MNS1: variants seen among roughly 807,000 people sequenced by gnomAD.
MNS1 encodes meiosis-specific nuclear structural protein 1.
MNS1 carries 63 observed loss-of-function variants against 72.0 expected under a neutral mutation model. The ratio of observed to expected loss-of-function variants is 0.87; its 90% CI spans 0.71 to 1.08. The LOEUF (loss-of-function observed/expected upper bound fraction) is 1.08, where lower values mean the gene tolerates loss of function less well. Among genes scored for constraint, MNS1 ranks in the 50% least tolerant of loss-of-function variants. The probability of loss-of-function intolerance (pLI) is 0.00; values close to 1 mark genes in which losing one functional copy is unlikely to be tolerated. For synonymous variants in MNS1, 188 were observed against 172.1 expected (o/e 1.09, Z -0.72); for missense variants, 604 against 562.4 (o/e 1.07, Z -0.75).
At position 56,464,121 on chromosome 15, in the gene MNS1, G is replaced by T. The variant is rs1373684511; in HGVS notation, c.130C>A (p.Gln44Lys). The T allele has an allele frequency of 1.2e-6, 2 of 1,613,934 alleles. No homozygotes were observed. Among genetic ancestry groups the T allele is most frequent in the Non-Finnish European group, 8.5e-7 (1 of 1,179,972 alleles). ...TGAACACGGTTATCATTTTCATTCT[G>T]CACCATTTGATTCCTGATTTGACTG... ...VNSQIRNQMV[Q>K]NENDNRVQRK... Residue 44 changes from glutamine to lysine, a missense_variant, in exon 2 of 10, where the codon CAG becomes AAG. By Grantham distance (53) the Gln-to-Lys change is moderately conservative. Coordinates refer to ENST00000260453, the MANE Select transcript of MNS1 (RefSeq NM_018365.4).
intron 7 of MNS1, among the ~76,000 whole-genome samples, chr15:56,434,848 T>C (rs1412378148): frequency 6.6e-6 from 1 of 152,102 alleles, no homozygotes; most frequent in Non-Finnish European, 1.5e-5. Flanking sequence ...TCTAGTCTTC[T>C]AATATTCCCT....
Position 56,460,009 on chromosome 15 carries a change from A to AAAAAAAAAAAAATATATAT in MNS1, c.226-3489_226-3488insATATATATTTTTTTTTTTT. ...CTGTCTCAAAAAAAAAAAAAAAAAA[A>AAAAAAAAAAAAATATATAT]ATACATATATATATATATATATATA... On this transcript the variant is annotated intron_variant, in intron 2 of 9. Coordinates refer to ENST00000260453, the MANE Select transcript of MNS1 (RefSeq NM_018365.4). 2.7e-4 allele frequency among the ~76,000 whole-genome samples: 7 copies of AAAAAAAAAAAAATATATAT among 26,386 alleles called. 2 individuals carry two copies. Among genetic ancestry groups the AAAAAAAAAAAAATATATAT allele is most frequent in the African/African-American group, 6.0e-4 (4 of 6,652 alleles). 17.3% of individuals were successfully genotyped at this position (26,386 alleles called of 152,430 possible). A position where few individuals can be genotyped will look rare whatever the true frequency, so the allele number is the denominator to read the frequency against.
chr15:56,439,483 T>C (rs2050783058), intron 7 of MNS1, among the ~76,000 whole-genome samples: 1 of 152,034 alleles, frequency 6.6e-6, no homozygotes, highest in African/African-American at 2.4e-5. Flanking sequence ...ATAGCTGCAG[T>C]ATTCAAAACT....
intron 3 of MNS1, 70 bp downstream of exon 3, chr15:56,456,324 A>G: frequency 1.4e-6 from 2 of 1,394,560 alleles, no homozygotes; most frequent in Non-Finnish European, 1.9e-6. Context: ...TTTCACTTTC[A>G]GGTGCTAAGG....
At chr15:56,444,973 CTA>C (rs1215894869) in intron 4 of MNS1, among the ~76,000 whole-genome samples, 1 of 152,032 alleles carries the variant, frequency 6.6e-6, no homozygotes, top group Non-Finnish European at 1.5e-5. Flanking sequence ...TTCTTAATAA[CTA>C]TTTAGCTGCT....
At chr15:56,447,623 A>G (rs1478577748) in intron 3 of MNS1, 1 of 152,224 alleles carries the variant, frequency 6.6e-6, no homozygotes, top group East Asian at 1.9e-4. Context: ...ATACCCAACA[A>G]TATCACTGAA....
chr15:56,464,382 A>G (rs2051044921), intron 1 of MNS1, 135 bp from the exon 2 acceptor site: 2 of 645,886 alleles, frequency 3.1e-6, no homozygotes, highest in African/African-American at 3.7e-5. Flanking sequence ...GAGTATACCG[A>G]ATAAAAAGTA....
At chr15:56,442,086 A>T (rs1307294715) in intron 7 of MNS1, among the ~76,000 whole-genome samples, 1 of 152,130 alleles carries the variant, frequency 6.6e-6, no homozygotes, top group East Asian at 1.9e-4. Context: ...ATGAACAGAT[A>T]CCTCTCAAAA....
intron 3 of MNS1, among the ~76,000 whole-genome samples, chr15:56,449,752 T>C (rs2050935372): frequency 6.6e-6 from 1 of 152,246 alleles, no homozygotes; most frequent in Admixed American, 6.5e-5. Flanking sequence ...TAGGAACATT[T>C]AGCTATTTCT....
rs1213219002 is a variant in MNS1, at chr15:56,446,866, T to G, written c.431A>C (p.Lys144Thr). The G allele has an allele frequency of 1.2e-6, 2 of 1,609,492 alleles. No homozygotes were observed. Among genetic ancestry groups the G allele is most frequent in the Middle Eastern group, 1.7e-4 (1 of 6,050 alleles). ...NKERAAQIAE[K>T]DAIKYEQMKR... ...CATTTGTTCATATTTAATGGCATCCTTTTCAGCAATCTGAGCTGCCCTTTC... is the reference window on the plus strand; with the variant it reads ...CATTTGTTCATATTTAATGGCATCCGTTTCAGCAATCTGAGCTGCCCTTTC... The change falls in exon 4 of 10, where the codon AAG becomes ACG. Residue 144 changes from lysine (K) to threonine (T), a missense_variant. Physicochemically the swap from Lys to Thr is moderately conservative, Grantham distance 78. Coordinates refer to ENST00000260453, the MANE Select transcript of MNS1 (RefSeq NM_018365.4).
At chr15:56,459,009 CACATCTGTGTGT>C (rs2050999713) in intron 2 of MNS1, among the ~76,000 whole-genome samples, 1 of 152,140 alleles carries the variant, frequency 6.6e-6, no homozygotes, top group African/African-American at 2.4e-5. Context: ...CTATATATAG[CACATCTGTGTGT>C]ACATTTGTGT....
intron 2 of MNS1, among the ~76,000 whole-genome samples, chr15:56,462,006 T>G (rs1596269868): frequency 1.6e-5 from 2 of 122,086 alleles, no homozygotes; most frequent in African/African-American, 5.8e-5. Context: ...TTTTTTTTTT[T>G]TTTTGTGGGG....
intron 9 of MNS1, among the ~76,000 whole-genome samples, chr15:56,430,675 G>A (rs2050564853): frequency 6.6e-6 from 1 of 152,038 alleles, no homozygotes; most frequent in Admixed American, 6.5e-5. Context: ...CAGTGACAAT[G>A]TTTTCATACA....
At chr15:56,431,239 G>A (rs1259550911) in intron 9 of MNS1, 134 bp downstream of exon 9, 1 of 961,332 alleles carries the variant, frequency 1.0e-6, no homozygotes, top group Non-Finnish European at 1.5e-6. Flanking sequence ...TCAGTGCCTG[G>A]ACAGGAGGAT....
intron 2 of MNS1, among the ~76,000 whole-genome samples, chr15:56,460,717 A>G (rs923292086): frequency 6.6e-6 from 1 of 152,230 alleles, no homozygotes; most frequent in East Asian, 1.9e-4. Flanking sequence ...ACCTGGAAGC[A>G]ATGATAACCC....
At chr15:56,454,652 C>T (rs1259943238) in intron 3 of MNS1, among the ~76,000 whole-genome samples, 2 of 152,082 alleles carry the variant, frequency 1.3e-5, no homozygotes, top group Non-Finnish European at 2.9e-5. Context: ...TCATTACTTG[C>T]AATGTTCTGA....
rs1271518769 is a variant in MNS1, at chr15:56,464,957, C to G, written c.3+13G>C. 3.7e-6 allele frequency: 6 copies of G among 1,611,510 alleles called. No homozygotes were observed. Among genetic ancestry groups the G allele is most frequent in the Non-Finnish European group, 5.1e-6 (6 of 1,179,074 alleles). ...CAATAAACAAGTAGTTTCAAGTCCCCCAACTGGCTCACCATCTTGGCTGAC... is the reference window on the plus strand; with the variant it reads ...CAATAAACAAGTAGTTTCAAGTCCCGCAACTGGCTCACCATCTTGGCTGAC... On this transcript the variant is annotated intron_variant, in intron 1 of 9. Transcript: ENST00000260453.
Position 56,458,002 on chromosome 15 carries a change from C to T in MNS1, c.226-1481G>A, listed in dbSNP as rs547640088. On this transcript the variant is annotated intron_variant, in intron 2 of 9. Transcript: ENST00000260453. Reference sequence around the variant, plus strand: ...TTCATCATGTGAGTGGTCAAATAAACTGTGGTACATCCATACTATGGGATA... The same window carrying T: ...TTCATCATGTGAGTGGTCAAATAAATTGTGGTACATCCATACTATGGGATA... Among the ~76,000 whole-genome samples the T allele has an allele frequency of 2.0e-5, 3 of 152,236 alleles. No individual in the cohort carries two copies. In the East Asian group the frequency reaches 5.8e-4, roughly 29 times the overall value.
At chr15:56,430,688 T>C (rs2140315043) in intron 9 of MNS1, among the ~76,000 whole-genome samples, 2 of 152,320 alleles carry the variant, frequency 1.3e-5, no homozygotes, top group South Asian at 4.2e-4. Flanking sequence ...TTCATACACA[T>C]TCTCATCTTT....
Sources: allele counts gnomAD v4.1 joint callset (sites outside exome capture counted in the v4.1 genomes callset), GRCh38; gene constraint gnomAD v4.1.1; transcripts MANE v1.5; gene names NCBI Gene and HGNC (gene_info 2026-07-23, HGNC 2026-07-21).